Variants in CELF2 observed in about 807,000 individuals in gnomAD.
CELF2 encodes CUGBP Elav-like family member 2.
A neutral mutation model predicts 62.6 loss-of-function variants in CELF2; 8 were observed. The ratio of observed to expected loss-of-function variants is 0.13; its 90% confidence interval spans 0.07 to 0.23. CELF2 has a LOEUF of 0.23. Ranked by LOEUF, CELF2 falls within the 10% of genes least tolerant of loss-of-function variation. The pLI is 1.00. For synonymous variants in CELF2, 258 were observed against 250.0 expected (o/e 1.03, Z -0.30); for missense variants, 333 against 671.0 (o/e 0.50, Z 5.56).
chr10:10,475,777 T>G, the CELF2 span, among the ~76,000 whole-genome samples: 1 of 152,128 alleles, frequency 6.6e-6, no homozygotes, highest in Non-Finnish European at 1.5e-5. Flanking sequence ...AGACTTAACT[T>G]TTAAATAATG....
chr10:10,576,220 G>C, the CELF2 span, among the ~76,000 whole-genome samples: 1 of 152,148 alleles, frequency 6.6e-6, no homozygotes, highest in Non-Finnish European at 1.5e-5. Context: ...AGAAGTTCAA[G>C]GACTAAGGGT....
chr10:11,102,729 A>G lies in CELF2; in HGVS notation c.75-62757A>G, dbSNP rs1046100322. ...ATCTCTTCCTAGGCAACCAAATTCA[A>G]TGTAAAATGGAGCTCATTTCCCCCT... On this transcript the variant is annotated intron_variant, in intron 1 of 12. Coordinates refer to ENST00000633077, the MANE Select transcript of CELF2 (RefSeq NM_001326342.2). Among the ~76,000 whole-genome samples the G allele has an allele frequency of 3.9e-5, 6 of 152,194 alleles. No individual in the cohort carries two copies. In the East Asian group the frequency reaches 1.2e-3, roughly 29 times the overall value.
At chr10:11,089,653 TAGAG>T (rs2047775389) in intron 1 of CELF2, among the ~76,000 whole-genome samples, 1 of 151,782 alleles carries the variant, frequency 6.6e-6, no homozygotes, top group Non-Finnish European at 1.5e-5. Context: ...ATTAACGAGG[TAGAG>T]AGAAGGCAGA....
At chr10:10,979,355 G>A (rs748522767) in intron 2 of CELF2, among the ~76,000 whole-genome samples, 5 of 152,112 alleles carry the variant, frequency 3.3e-5, no homozygotes, top group Admixed American at 6.5e-5. Context: ...AAATAATTAT[G>A]AGTGATAATA....
At chr10:11,041,789 A>G (rs749252356) in intron 1 of CELF2, among the ~76,000 whole-genome samples, 1 of 152,184 alleles carries the variant, frequency 6.6e-6, no homozygotes, top group Non-Finnish European at 1.5e-5. Context: ...AATTAAATCT[A>G]TCATGGAGAG....
chr10:10,562,829 C>CTACCTCCCT, the CELF2 span, among the ~76,000 whole-genome samples: 5 of 151,814 alleles, frequency 3.3e-5, no homozygotes, highest in African/African-American at 9.7e-5. Flanking sequence ...CCTCCACAGC[C>CTACCTCCCT]GTATGCTCCG....
At chr10:10,722,326 T>TA in the CELF2 span, among the ~76,000 whole-genome samples, 1 of 151,674 alleles carries the variant, frequency 6.6e-6, no homozygotes, top group Middle Eastern at 3.4e-3. Context: ...AAATAAAAAA[T>TA]AAAAAACTTA....
At chr10:11,256,157 CAT>C (rs1419661140) in intron 4 of CELF2, among the ~76,000 whole-genome samples, 2 of 152,264 alleles carry the variant, frequency 1.3e-5, no homozygotes, top group African/African-American at 2.4e-5. Flanking sequence ...ATGGAGCAAT[CAT>C]GTGTGGCTCT....
the CELF2 span, among the ~76,000 whole-genome samples, chr10:10,737,969 C>T: frequency 2.0e-5 from 3 of 152,188 alleles, no homozygotes; most frequent in Admixed American, 1.3e-4. Context: ...ACCGCTGCAG[C>T]ATCATCTGAC....
At chr10:10,716,861 T>C in the CELF2 span, among the ~76,000 whole-genome samples, 2 of 152,332 alleles carry the variant, frequency 1.3e-5, no homozygotes, top group East Asian at 3.9e-4. Flanking sequence ...TGGCCAAAGT[T>C]TGTGCCTAAA....
rs78968643 is a variant in CELF2, at chr10:11,306,486, G to T, written c.977-7653G>T. ...TTTCTCAATTGTGCATCTGCTGAAC[G>T]GTCAGTCTTTAGGTACTTGATCAAG... is the stretch of plus-strand genomic sequence containing the variant. On this transcript the variant is annotated intron_variant, in intron 9 of 12. Coordinates refer to ENST00000633077, the MANE Select transcript of CELF2 (RefSeq NM_001326342.2). This position sits in a 1 kb window ranked among gnomAD's most constrained non-coding sequence, Gnocchi z 4.4. Among the ~76,000 whole-genome samples the T allele has an allele frequency of 0.022, 3,318 of 152,108 alleles. 45 individuals are homozygous for T. Among genetic ancestry groups the T allele is most frequent in the Non-Finnish European group, 0.034 (2,336 of 67,980 alleles).
chr10:11,107,010 C>T (rs988862560), intron 1 of CELF2, among the ~76,000 whole-genome samples: 3 of 152,228 alleles, frequency 2.0e-5, no homozygotes, highest in Admixed American at 6.5e-5. Context: ...CAGAGGGAGC[C>T]CAGCCCTTCC....
In CELF2 at chr10:10,957,453, G is replaced by A. The variant is rs75192657; in HGVS notation, c.89+37454G>A. 8.8e-4 allele frequency among the ~76,000 whole-genome samples: 134 copies of A among 152,156 alleles called. 1 individual carries two copies. The East Asian group carries it at 0.023, about 26-fold the overall frequency. Reference sequence around the variant, plus strand: ...CACCTGTGAGGCAATGTGAGCTAAGGCCAGAAGAAACCCTACTGGAATTAA... The same window carrying A: ...CACCTGTGAGGCAATGTGAGCTAAGACCAGAAGAAACCCTACTGGAATTAA... On this transcript the variant is annotated intron_variant, in intron 2 of 13. Transcript: ENST00000636488. This position sits in a 1 kb window ranked among gnomAD's most constrained non-coding sequence, Gnocchi z 4.1.
upstream of CELF2, among the ~76,000 whole-genome samples, chr10:10,795,308 A>C (rs2054079086): frequency 1.3e-5 from 2 of 151,504 alleles, no homozygotes; most frequent in Non-Finnish European, 1.5e-5. Flanking sequence ...TATGAATGCC[A>C]AAAAAAATTT....
At chr10:10,816,244 A>G (rs182732921) in intron 1 of CELF2, among the ~76,000 whole-genome samples, 2 of 152,354 alleles carry the variant, frequency 1.3e-5, no homozygotes, top group African/African-American at 4.8e-5. Flanking sequence ...CCTGTGTTTC[A>G]TAAATCCATT....
chr10:10,822,241 G>T (rs756322346), intron 1 of CELF2, among the ~76,000 whole-genome samples: 1 of 152,242 alleles, frequency 6.6e-6, no homozygotes, highest in Non-Finnish European at 1.5e-5. Context: ...CAGGGGCCAT[G>T]CCGCCCTGTG....
rs2065966612 is a variant in CELF2, at chr10:11,224,856, A to T, written c.354+7349A>T. Among the ~76,000 whole-genome samples the T allele has an allele frequency of 1.3e-5, 2 of 152,134 alleles. 1 individual carries two copies. Among genetic ancestry groups the T allele is most frequent in the South Asian group, 4.1e-4 (2 of 4,822 alleles). ...TGGAGAGAGTTCTCCCAGGAACACCAAGGTTCTTCCCCCACACACTAGGAA... is the reference window on the plus strand; with the variant it reads ...TGGAGAGAGTTCTCCCAGGAACACCTAGGTTCTTCCCCCACACACTAGGAA... On this transcript the variant is annotated intron_variant, in intron 3 of 12. Transcript: ENST00000633077. This position sits in a 1 kb window ranked among gnomAD's most constrained non-coding sequence, Gnocchi z 4.5.
the CELF2 span, among the ~76,000 whole-genome samples, chr10:10,519,641 C>T: frequency 8.5e-5 from 13 of 152,296 alleles, no homozygotes; most frequent in South Asian, 4.1e-4. Flanking sequence ...TAAACAATTT[C>T]GGGTTGTTGT....
chr10:11,049,408 T>A (rs1434720840), intron 1 of CELF2, among the ~76,000 whole-genome samples: 1 of 151,872 alleles, frequency 6.6e-6, no homozygotes, highest in African/African-American at 2.4e-5. Context: ...CTAGTTTAGA[T>A]GCCCTGTTTG....
Sources: gnomAD v4.1 joint callset for allele counts (sites outside exome capture counted in the v4.1 genomes callset) on GRCh38, gnomAD v4.1.1 for gene constraint, Gnocchi (gnomAD v3.1) non-coding constraint, MANE v1.5 for transcripts, NCBI Gene and HGNC (gene_info 2026-07-23, HGNC 2026-07-21) for gene names.